AFF3: variants seen among roughly 807,000 people sequenced by gnomAD.
The protein encoded by AFF3 is AF4/FMR2 family member 3.
A neutral mutation model predicts 129.7 loss-of-function variants in AFF3; 32 were observed. That is an observed-to-expected ratio of 0.25 (90% CI 0.19 to 0.33). AFF3 has a LOEUF of 0.33. Ranked by LOEUF, AFF3 falls within the 10% of genes least tolerant of loss-of-function variation. The pLI, the probability that AFF3 is intolerant of heterozygous loss-of-function variation, is 1.00. For missense variants in AFF3, 1,373 were observed against 1,592.0 expected, an observed-to-expected ratio of 0.86 and a Z score of 2.34; for synonymous variants, 644 against 635.4, an observed-to-expected ratio of 1.01 and a Z score of -0.20.
chr2:99,804,113 T>C (rs1355131907), intron 8 of AFF3, among the ~76,000 whole-genome samples: 2 of 152,104 alleles, frequency 1.3e-5, no homozygotes, highest in Non-Finnish European at 2.9e-5. Context: ...GAGAAGCTTC[T>C]GCATAGCAAA....
Position 99,759,813 on chromosome 2 carries a change from C to T in AFF3, c.922-7512G>A, listed in dbSNP as rs144085525. On this transcript the variant is annotated intron_variant, in intron 8 of 24. Coordinates refer to ENST00000672756, the MANE Select transcript of AFF3 (RefSeq NM_001386135.1). ...TTATCCATTACATTAAAATTTCACA[C>T]TAGAATTGCATGGGAAAATCAAGGG... Among the ~76,000 whole-genome samples the T allele has an allele frequency of 3.1e-4, 47 of 152,302 alleles. No individual in the cohort carries two copies. In the East Asian group the frequency reaches 6.7e-3, roughly 22 times the overall value.
At chr2:99,991,040 C>A (rs750963337) in intron 7 of AFF3, among the ~76,000 whole-genome samples, 2 of 152,122 alleles carry the variant, frequency 1.3e-5, no homozygotes, top group African/African-American at 2.4e-5. Context: ...CCTTCACGAA[C>A]CTTTATCTTT....
At chr2:99,658,704 C>G (rs1043230470) in intron 12 of AFF3, among the ~76,000 whole-genome samples, 1 of 152,130 alleles carries the variant, frequency 6.6e-6, no homozygotes, top group Non-Finnish European at 1.5e-5. Context: ...GTCTCAGAGC[C>G]AGTAAGTAAA....
chr2:99,664,274 C>G (rs1434194664), intron 12 of AFF3, among the ~76,000 whole-genome samples: 2 of 152,202 alleles, frequency 1.3e-5, no homozygotes, highest in African/African-American at 4.8e-5. Context: ...ATCATAGGTG[C>G]AACCATAAGG....
chr2:99,788,388 G>C (rs540964826), intron 8 of AFF3, among the ~76,000 whole-genome samples: 1 of 152,288 alleles, frequency 6.6e-6, no homozygotes, highest in South Asian at 2.1e-4. Context: ...GTGGAGGGCT[G>C]TGATGTCGAT....
At chr2:99,678,940 T>A (rs1674271429) in intron 11 of AFF3, among the ~76,000 whole-genome samples, 1 of 152,246 alleles carries the variant, frequency 6.6e-6, no homozygotes. Flanking sequence ...CATTAACAAG[T>A]AACCACCTTC....
intron 13 of AFF3, among the ~76,000 whole-genome samples, chr2:99,615,521 C>G (rs1182816492): frequency 6.6e-6 from 1 of 152,254 alleles, no homozygotes. Flanking sequence ...CATCCTTCTT[C>G]GACAACTGGG....
chr2:100,099,265 C>T (rs1470104252), intron 4 of AFF3, among the ~76,000 whole-genome samples: 10 of 151,778 alleles, frequency 6.6e-5, no homozygotes, highest in Non-Finnish European at 1.2e-4. Flanking sequence ...GTTAGAGGCA[C>T]CTGAAGGTCA....
At chr2:99,789,330 C>T (rs1260092110) in intron 8 of AFF3, among the ~76,000 whole-genome samples, 1 of 147,116 alleles carries the variant, frequency 6.8e-6, no homozygotes, top group Non-Finnish European at 1.5e-5. Flanking sequence ...TGCCTGTAGT[C>T]AAAGCTACTT....
chr2:99,812,994 C>T (rs1002304538), intron 8 of AFF3, among the ~76,000 whole-genome samples: 1 of 151,690 alleles, frequency 6.6e-6, no homozygotes, highest in Non-Finnish European at 1.5e-5. Flanking sequence ...GCAGTGCAGG[C>T]ATTTTATTCA....
intron 15 of AFF3, among the ~76,000 whole-genome samples, chr2:99,589,396 CATTTTTT>C (rs1195366746): frequency 1.0e-5 from 1 of 98,372 alleles, no homozygotes; most frequent in African/African-American, 3.8e-5. Context: ...AAGATGTCAA[CATTTTTT>C]TTTTTTTTTT....
chr2:99,722,902 G>A (rs1679028109), intron 11 of AFF3, among the ~76,000 whole-genome samples: 1 of 152,098 alleles, frequency 6.6e-6, no homozygotes, highest in Non-Finnish European at 1.5e-5. Context: ...GTTCTTTGTG[G>A]ACTGGGGCAT....
chr2:99,589,357 T>TATTGTGTGA (rs1186016921), intron 15 of AFF3, among the ~76,000 whole-genome samples: 6 of 151,586 alleles, frequency 4.0e-5, no homozygotes, highest in Non-Finnish European at 5.9e-5. Context: ...TGTTGGAACA[T>TATTGTGTGA]ATTGTGTGAA....
At chr2:99,639,471 C>T (rs1683981966) in intron 13 of AFF3, among the ~76,000 whole-genome samples, 1 of 152,188 alleles carries the variant, frequency 6.6e-6, no homozygotes, top group Non-Finnish European at 1.5e-5. Flanking sequence ...GAGGAGAGGA[C>T]TGCATGGAGA....
At chr2:100,011,455 A>G (rs1682541600) in intron 4 of AFF3, 1 of 780,660 alleles carries the variant, frequency 1.3e-6, no homozygotes, top group African/African-American at 1.7e-5. Flanking sequence ...ATTGAGAATG[A>G]TTTCTGGGCT....
chr2:100,139,479 G>A (rs895517812), intron 1 of AFF3, among the ~76,000 whole-genome samples: 3 of 152,118 alleles, frequency 2.0e-5, no homozygotes, highest in African/African-American at 2.4e-5. Flanking sequence ...TCAAATTGTC[G>A]TGTTTATTAG....
intron 4 of AFF3, among the ~76,000 whole-genome samples, chr2:100,032,615 A>G (rs955196310): frequency 6.6e-6 from 1 of 152,212 alleles, no homozygotes; most frequent in Non-Finnish European, 1.5e-5. Context: ...TTTTGATGTA[A>G]TGAAGATATC....
intron 13 of AFF3, among the ~76,000 whole-genome samples, chr2:99,634,295 G>A (rs1407735410): frequency 3.3e-5 from 5 of 152,214 alleles, no homozygotes; most frequent in African/African-American, 9.6e-5. Context: ...ACAGGTGAGG[G>A]AGAATGAAAC....
intron 7 of AFF3, among the ~76,000 whole-genome samples, chr2:100,002,121 C>T (rs1414218706): frequency 6.6e-6 from 1 of 152,194 alleles, no homozygotes; most frequent in East Asian, 1.9e-4. Context: ...CCTCATTTCT[C>T]CCAGGAGCAA....
Sources: gnomAD v4.1 joint callset for allele counts (sites outside exome capture counted in the v4.1 genomes callset) on GRCh38, gnomAD v4.1.1 for gene constraint, MANE v1.5 for transcripts, NCBI Gene and HGNC (gene_info 2026-07-23, HGNC 2026-07-21) for gene names.